The following GIPC2 variants were observed in gnomAD, a reference collection of about 807,000 sequenced individuals.
The protein encoded by GIPC2 is GIPC PDZ domain containing family member 2.
In GIPC2, 30 loss-of-function variants were observed where a neutral mutation model predicts 30.6. The ratio of observed to expected loss-of-function variants is 0.98; its 90% confidence interval spans 0.73 to 1.33. The LOEUF is 1.33. Among genes scored for constraint, GIPC2 ranks in the 40% most tolerant of loss-of-function variants. The pLI, the probability that GIPC2 is intolerant of heterozygous loss-of-function variation, is 0.00. For synonymous variants in GIPC2, 167 were observed against 150.0 expected (o/e 1.11, Z -0.83); for missense variants, 414 against 390.3 (o/e 1.06, Z -0.51).
At chr1:78,046,425 G>A in intron 1 of GIPC2, 91 bp downstream of exon 1, 2 of 1,232,154 alleles carry the variant, frequency 1.6e-6, no homozygotes, top group Non-Finnish European at 2.3e-6. Context: ...GTTGAGCGGC[G>A]TTTCCCGGAG....
intron 1 of GIPC2, among the ~76,000 whole-genome samples, chr1:78,049,527 C>G (rs1284972663): frequency 1.3e-5 from 2 of 152,172 alleles, no homozygotes; most frequent in African/African-American, 4.8e-5. Flanking sequence ...AGATAGTTAA[C>G]TCAGAAGTCC....
chr1:78,133,516 C>G (rs572630852), intron 5 of GIPC2, among the ~76,000 whole-genome samples: 1 of 152,082 alleles, frequency 6.6e-6, no homozygotes, highest in African/African-American at 2.4e-5. Flanking sequence ...CAAAGGATTT[C>G]ATGGAGGAGA....
chr1:78,121,017 A>G (rs535370167), intron 4 of GIPC2, among the ~76,000 whole-genome samples: 1 of 152,370 alleles, frequency 6.6e-6, no homozygotes, highest in Non-Finnish European at 1.5e-5. Context: ...TACCAAAGGA[A>G]TGGAAATCTT....
At chr1:78,100,979 CACAT>C (rs1393303307) in intron 3 of GIPC2, among the ~76,000 whole-genome samples, 54 of 143,388 alleles carry the variant, frequency 3.8e-4, no homozygotes, top group Middle Eastern at 3.9e-3. Flanking sequence ...CACACACACA[CACAT>C]ACACACGAGG....
chr1:78,132,810 C>T (rs932212257), intron 5 of GIPC2, among the ~76,000 whole-genome samples: 5 of 151,836 alleles, frequency 3.3e-5, no homozygotes, highest in East Asian at 1.9e-4. Flanking sequence ...CTGAATGGTC[C>T]GTACATTTTC....
intron 1 of GIPC2, among the ~76,000 whole-genome samples, chr1:78,049,553 G>A (rs2102632387): frequency 6.6e-6 from 1 of 152,306 alleles, no homozygotes; most frequent in Non-Finnish European, 1.5e-5. Flanking sequence ...TTTTTCTAGA[G>A]TGGTGGCTGT....
intron 4 of GIPC2, 31 bp downstream of exon 4, chr1:78,119,530 C>A: frequency 7.6e-7 from 1 of 1,308,074 alleles, no homozygotes; most frequent in Non-Finnish European, 1.1e-6. Context: ...TCCTGTTCTG[C>A]TTGGAAATGT....
chr1:78,061,017 C>G (rs1257504510), intron 1 of GIPC2, among the ~76,000 whole-genome samples: 1 of 152,028 alleles, frequency 6.6e-6, no homozygotes, highest in Non-Finnish European at 1.5e-5. Context: ...ATGGCAGTCA[C>G]TGTATCCTTG....
intron 1 of GIPC2, among the ~76,000 whole-genome samples, chr1:78,061,482 G>A (rs1661390209): frequency 6.6e-6 from 1 of 151,666 alleles, no homozygotes; most frequent in Non-Finnish European, 1.5e-5. Flanking sequence ...GTGGTAGAAT[G>A]GTTTTTTTTT....
rs1023739987 is a variant in GIPC2 at position 78,126,634 on chromosome 1, A to G, written c.796+672A>G. Among the ~76,000 whole-genome samples the G allele has an allele frequency of 2.0e-5, 3 of 152,046 alleles. No homozygotes were observed. In the South Asian group the frequency reaches 6.2e-4, roughly 32 times the overall value. On this transcript the variant is annotated intron_variant, in intron 5 of 5. Coordinates refer to ENST00000370759, the MANE Select transcript of GIPC2 (RefSeq NM_017655.6). Reference sequence around the variant, plus strand: ...TGGCTTCAAGAATGGCTGGATCCCAAGTTCTCATGCTGTCATCAGGATATG... The same window carrying G: ...TGGCTTCAAGAATGGCTGGATCCCAGGTTCTCATGCTGTCATCAGGATATG...
chr1:78,106,285 TGTG>T (rs1038165365), intron 3 of GIPC2, among the ~76,000 whole-genome samples: 85 of 134,868 alleles, frequency 6.3e-4, no homozygotes, highest in Non-Finnish European at 8.9e-4. Context: ...TACGGCAGGG[TGTG>T]GTGGCTCACG....
At chr1:78,084,690 T>C (rs2100354514) in intron 2 of GIPC2, among the ~76,000 whole-genome samples, 1 of 152,316 alleles carries the variant, frequency 6.6e-6, no homozygotes, top group South Asian at 2.1e-4. Context: ...TTTATTCTTT[T>C]TGTGACAATT....
chr1:78,084,852 T>C (rs1016636053), intron 2 of GIPC2, among the ~76,000 whole-genome samples: 2 of 152,180 alleles, frequency 1.3e-5, no homozygotes, highest in Non-Finnish European at 2.9e-5. Flanking sequence ...GACTATTGGG[T>C]TTTCCAGATA....
chr1:78,109,225 G>A (rs1005748014), intron 3 of GIPC2, among the ~76,000 whole-genome samples: 5 of 152,156 alleles, frequency 3.3e-5, no homozygotes, highest in Non-Finnish European at 7.3e-5. Context: ...CTGACCTTGC[G>A]GCCTTTAGTC....
chr1:78,046,262 A>C lies in GIPC2; in HGVS notation c.168A>C (p.Arg56=). Residue 56 remains arginine, a synonymous_variant, in exon 1 of 6, where the codon CGA becomes CGC. Coordinates refer to ENST00000370759, the MANE Select transcript of GIPC2 (RefSeq NM_017655.6). ...TGGCGCACGGTAGTGCCACGGGCCG[A>C]GTGGAGGGCTTCTCCAGCATCCAGG... ...AQLAHGSATG[R]VEGFSSIQEL... The C allele has an allele frequency of 6.2e-7, 1 of 1,611,130 alleles. No homozygotes were observed.
At chr1:78,072,540 G>C (rs1222944571) in intron 1 of GIPC2, among the ~76,000 whole-genome samples, 1 of 151,846 alleles carries the variant, frequency 6.6e-6, no homozygotes, top group African/African-American at 2.4e-5. Context: ...AAGCACTTAG[G>C]GTACATGACT....
At chr1:78,123,305 G>T (rs1159129274) in intron 4 of GIPC2, among the ~76,000 whole-genome samples, 1 of 148,856 alleles carries the variant, frequency 6.7e-6, no homozygotes, top group East Asian at 2.0e-4. Flanking sequence ...CTCTCCGGAA[G>T]AAATTAGTGA....
At chr1:78,051,270 A>T (rs1043392289) in intron 1 of GIPC2, among the ~76,000 whole-genome samples, 1 of 152,130 alleles carries the variant, frequency 6.6e-6, no homozygotes. Flanking sequence ...CAAAAAAAAG[A>T]TAAATTTTAT....
upstream of GIPC2, chr1:78,045,181 A>G: frequency 1.7e-6 from 1 of 575,432 alleles, no homozygotes; most frequent in Non-Finnish European, 2.2e-6. Context: ...ATAGTAAGTG[A>G]AATTTCAGTA....
Sources: gnomAD v4.1 joint callset for allele counts (sites outside exome capture counted in the v4.1 genomes callset) on GRCh38, gnomAD v4.1.1 for gene constraint, MANE v1.5 for transcripts, NCBI Gene and HGNC (gene_info 2026-07-23, HGNC 2026-07-21) for gene names.